The following ASB2 variants were observed in gnomAD, a reference collection of about 807,000 sequenced individuals.
ASB2 encodes ankyrin repeat and SOCS box protein 2.
A neutral mutation model predicts 62.4 loss-of-function variants in ASB2; 58 were observed. The observed-to-expected ratio is 0.93, with a 90% CI of 0.75 to 1.16. The LOEUF (loss-of-function observed/expected upper bound fraction) is 1.16. ASB2 is among the 50% of genes most tolerant of loss of function. The pLI, the probability that ASB2 is intolerant of heterozygous loss-of-function variation, is 0.00. For synonymous variants in ASB2, 386 were observed against 385.3 expected (o/e 1.00, Z -0.02); for missense variants, 928 against 887.9 (o/e 1.05, Z -0.57).
intron 3 of ASB2, 91 bp downstream of exon 3, chr14:93,956,675 T>C: frequency 6.5e-7 from 1 of 1,545,518 alleles, no homozygotes; most frequent in Non-Finnish European, 8.9e-7. Flanking sequence ...TCTGCCCTCC[T>C]GGGGGCTGTG....
At chr14:93,953,113 G>A (rs1032412649) in intron 5 of ASB2, among the ~76,000 whole-genome samples, 1 of 152,250 alleles carries the variant, frequency 6.6e-6, no homozygotes, top group Admixed American at 6.5e-5. Context: ...AGGGTGCACA[G>A]GTTGGACTAT....
At chr14:93,952,143 T>C (rs1888993542) in intron 5 of ASB2, among the ~76,000 whole-genome samples, 1 of 152,270 alleles carries the variant, frequency 6.6e-6, no homozygotes. Context: ...CCAAGCCTTC[T>C]ACCTCTCTAA....
intron 7 of ASB2, among the ~76,000 whole-genome samples, chr14:93,945,797 T>A (rs1888702458): frequency 6.6e-6 from 1 of 152,108 alleles, no homozygotes; most frequent in Non-Finnish European, 1.5e-5. Context: ...TGAGTCTTCA[T>A]TTCAGTCTTT....
chr14:93,956,628 A>C, intron 3 of ASB2, 138 bp downstream of exon 3: 1 of 1,156,816 alleles, frequency 8.6e-7, no homozygotes, highest in Non-Finnish European at 1.3e-6. Flanking sequence ...GGGCACCCCT[A>C]GAAGGAGCGT....
intron 1 of ASB2, among the ~76,000 whole-genome samples, chr14:93,975,536 A>G (rs377554168): frequency 6.6e-6 from 1 of 152,198 alleles, no homozygotes; most frequent in African/African-American, 2.4e-5. Context: ...CCAGATGCTC[A>G]ATGCATGTGG....
At chr14:93,945,525 A>G (rs67850238) in intron 7 of ASB2, among the ~76,000 whole-genome samples, 10,957 of 152,250 alleles carry the variant, frequency 0.072, 398 homozygotes, top group East Asian at 0.12. Context: ...CGACAACCCC[A>G]TGAGGCGGGT....
At chr14:93,966,764 GTCAAGGACCTGGT>G (rs1158853114) in intron 1 of ASB2, among the ~76,000 whole-genome samples, 2 of 152,028 alleles carry the variant, frequency 1.3e-5, no homozygotes, top group Non-Finnish European at 2.9e-5. Context: ...TTGAAAACAT[GTCAAGGACCTGGT>G]TCAGCCCTGA....
intron 6 of ASB2, among the ~76,000 whole-genome samples, chr14:93,949,323 C>T (rs1888861336): frequency 6.6e-6 from 1 of 152,252 alleles, no homozygotes; most frequent in African/African-American, 2.4e-5. Flanking sequence ...AGATGAGAAT[C>T]AGCTGAGGCA....
intron 2 of ASB2, among the ~76,000 whole-genome samples, chr14:93,961,785 C>T (rs140639478): frequency 1.2e-4 from 19 of 152,244 alleles, no homozygotes; most frequent in African/African-American, 4.3e-4. Context: ...GCGTGTGTGC[C>T]GTGTGAATTT....
rs1888951693 is a variant in ASB2 at position 93,951,143 on chromosome 14, C to T, written c.736G>A (p.Val246Met). The change falls in exon 6 of 10, where the codon GTG becomes ATG. Residue 246 changes from valine to methionine, a missense_variant. By Grantham distance (21) the Val-to-Met change is conservative. Transcript: ENST00000555019. ...ATGACCTCCAGGTCATTGCGAGACA[C>T]AGACTCGTGCAGAGCGGTCCAGCCG... ...NRGWTALHES[V>M]SRNDLEVMQI... The T allele has an allele frequency of 2.5e-6, 4 of 1,614,186 alleles. No homozygotes were observed. In the East Asian group the frequency reaches 8.9e-5, roughly 36 times the overall value.
chr14:93,969,936 C>T (rs537093870), intron 1 of ASB2: 14 of 152,340 alleles, frequency 9.2e-5, no homozygotes, highest in East Asian at 5.8e-4. Flanking sequence ...CATTCACAGC[C>T]GGCTCTCTTC....
intron 7 of ASB2, among the ~76,000 whole-genome samples, chr14:93,945,141 T>C (rs1296673800): frequency 5.9e-5 from 9 of 152,240 alleles, no homozygotes; most frequent in Admixed American, 2.0e-4. Flanking sequence ...GGATCTGATA[T>C]GGCATTTTAA....
intron 8 of ASB2, 46 bp downstream of exon 8, chr14:93,939,062 C>CCA (rs1449083199): frequency 4.0e-5 from 56 of 1,406,944 alleles, no homozygotes; most frequent in Non-Finnish European, 5.2e-5. Flanking sequence ...CGTCCCTGGG[C>CCA]CACACCCAAA....
chr14:93,956,837 C>T lies in ASB2; in HGVS notation c.240G>A (p.Arg80=), dbSNP rs1263914097. ...STAPPESSPA[R]APMGLFQGVM... ...CCCCTTGGAACAAGCCCATTGGGGC[C>T]CGGGCCGGCGAACTCTCAGGAGGTG... The change falls in exon 3 of 10, where the codon CGG becomes CGA. Residue 80 remains arginine (R), a synonymous_variant. Transcript: ENST00000555019. The T allele has an allele frequency of 2.5e-6, 4 of 1,614,198 alleles. No individual in the cohort carries two copies. The East Asian group carries it at 6.7e-5, about 27-fold the overall frequency.
At chr14:93,941,058 G>A in intron 7 of ASB2, 1 of 152,526 alleles carries the variant, frequency 6.6e-6, no homozygotes, top group East Asian at 1.9e-4. Flanking sequence ...AGCCCTGGGT[G>A]GGAGTGGCCG....
At position 93,943,454 on chromosome 14, in the gene ASB2, G is replaced by A. The variant is rs578239021; in HGVS notation, c.1053-3782C>T. ...GAGCTCAGGAGTTCGAGACCAGCCCGGGCAACATGATGAAACCCGGTCTCT... is the reference window on the plus strand; with the variant it reads ...GAGCTCAGGAGTTCGAGACCAGCCCAGGCAACATGATGAAACCCGGTCTCT... On this transcript the variant is annotated intron_variant, in intron 7 of 9. Transcript: ENST00000555019. Among the ~76,000 whole-genome samples the A allele has an allele frequency of 1.2e-4, 19 of 152,292 alleles. No individual in the cohort carries two copies. The East Asian group carries it at 1.9e-3, about 15-fold the overall frequency.
At chr14:93,937,616 G>T in intron 9 of ASB2, 82 bp downstream of exon 9, 1 of 1,408,904 alleles carries the variant, frequency 7.1e-7, no homozygotes, top group Non-Finnish European at 9.7e-7. Flanking sequence ...ACAGGGTTAG[G>T]AACAGTCGCA....
Position 93,953,444 on chromosome 14 carries a change from C to CA in ASB2, c.541dup (p.Cys181LeufsTer70). On this transcript the variant is annotated frameshift_variant, in exon 5 of 10. Coordinates refer to ENST00000555019, the MANE Select transcript of ASB2 (RefSeq NM_001202429.2). LOFTEE classifies it high-confidence loss of function. Reference sequence around the variant, plus strand: ...CAGGAGACAGTCCAGGTGGCCCCTGCACGTTGCCAAGTAAACGGCTGTTTC... The same window carrying CA: ...CAGGAGACAGTCCAGGTGGCCCCTGCAACGTTGCCAAGTAAACGGCTGTTTC... 1 of 1,609,038 alleles carries CA rather than the reference C, an allele frequency of 6.2e-7. No individual in the cohort carries two copies. The highest frequency in any genetic ancestry group is 8.5e-7 in the Non-Finnish European group (1 of 1,175,966).
intron 4 of ASB2, 85 bp from the exon 5 acceptor site, chr14:93,953,592 T>A: frequency 4.2e-6 from 5 of 1,185,292 alleles, no homozygotes; most frequent in Non-Finnish European, 5.8e-6. Flanking sequence ...CCTCCCAATT[T>A]CAAGAACAAT....
Sources: gnomAD v4.1 joint callset for allele counts (sites outside exome capture counted in the v4.1 genomes callset) on GRCh38, gnomAD v4.1.1 for gene constraint, MANE v1.5 for transcripts, NCBI Gene and HGNC (gene_info 2026-07-23, HGNC 2026-07-21) for gene names.